The following KIAA0825 variants were observed in gnomAD, a reference collection of about 807,000 sequenced individuals.
The protein encoded by KIAA0825 is uncharacterized protein KIAA0825.
In KIAA0825, 119 loss-of-function variants were observed where a neutral mutation model predicts 147.6. That is an observed-to-expected ratio of 0.81 (90% confidence interval 0.69 to 0.94). The LOEUF is 0.94. KIAA0825 is among the 40% of genes least tolerant of loss of function. The probability of loss-of-function intolerance (pLI) is 0.00; values close to 1 mark genes in which losing one functional copy is unlikely to be tolerated. For synonymous variants in KIAA0825, 470 were observed against 518.1 expected, an observed-to-expected ratio of 0.91 and a Z score of 1.26; for missense variants, 1,381 against 1,472.7, an observed-to-expected ratio of 0.94 and a Z score of 1.02.
intron 20 of KIAA0825, among the ~76,000 whole-genome samples, chr5:94,363,808 C>T (rs1301212191): frequency 6.6e-6 from 1 of 151,890 alleles, no homozygotes; most frequent in African/African-American, 2.4e-5. Context: ...TGTGAGGCTG[C>T]AGTGAGCTGT....
chr5:94,320,135 T>C (rs1780022669), intron 20 of KIAA0825, among the ~76,000 whole-genome samples: 1 of 152,016 alleles, frequency 6.6e-6, no homozygotes. Context: ...CAAAAGCACC[T>C]ACCCTATATC....
At chr5:94,281,789 A>C (rs1777479441) in intron 20 of KIAA0825, among the ~76,000 whole-genome samples, 1 of 151,800 alleles carries the variant, frequency 6.6e-6, no homozygotes, top group Non-Finnish European at 1.5e-5. Context: ...TAGATAAATA[A>C]ATTCCCCTTT....
intron 5 of KIAA0825, among the ~76,000 whole-genome samples, chr5:94,493,131 C>T (rs1192085940): frequency 6.6e-6 from 1 of 152,192 alleles, no homozygotes; most frequent in African/African-American, 2.4e-5. Flanking sequence ...CTGACTTTAT[C>T]AGAAATAGAC....
chr5:94,155,621 G>A (rs1766974204), intron 20 of KIAA0825, among the ~76,000 whole-genome samples: 2 of 152,162 alleles, frequency 1.3e-5, no homozygotes, highest in Non-Finnish European at 2.9e-5. Context: ...GAAGTATGGA[G>A]AGAAGAAAGA....
chr5:94,174,351 C>A (rs745958185), intron 20 of KIAA0825, among the ~76,000 whole-genome samples: 1 of 151,978 alleles, frequency 6.6e-6, no homozygotes, highest in African/African-American at 2.4e-5. Flanking sequence ...TTTTCCAGAA[C>A]GGAGTTTGCA....
intron 20 of KIAA0825, among the ~76,000 whole-genome samples, chr5:94,349,337 C>T (rs1012387061): frequency 6.6e-6 from 1 of 152,096 alleles, no homozygotes; most frequent in South Asian, 2.1e-4. Context: ...GACAGCAACA[C>T]AAAAACAGTG....
intron 20 of KIAA0825, among the ~76,000 whole-genome samples, chr5:94,266,867 TAAAC>T (rs1156416013): frequency 2.6e-5 from 4 of 152,188 alleles, no homozygotes; most frequent in Non-Finnish European, 5.9e-5. Flanking sequence ...ATAACCTACA[TAAAC>T]AAAAGTTCTC....
intron 1 of KIAA0825, among the ~76,000 whole-genome samples, chr5:94,617,231 T>C (rs181578546): frequency 6.6e-6 from 1 of 152,254 alleles, no homozygotes; most frequent in East Asian, 1.9e-4. Flanking sequence ...ACAGATATAA[T>C]ACATAATATC....
At chr5:94,445,278 A>G (rs1757585319) in intron 13 of KIAA0825, among the ~76,000 whole-genome samples, 1 of 152,174 alleles carries the variant, frequency 6.6e-6, no homozygotes, top group African/African-American at 2.4e-5. Flanking sequence ...TGTTTAGATA[A>G]TTGATAAAAC....
chr5:94,365,035 G>A (rs549377692), intron 20 of KIAA0825, among the ~76,000 whole-genome samples: 2 of 152,278 alleles, frequency 1.3e-5, no homozygotes, highest in South Asian at 4.2e-4. Context: ...GCCAGGCAAA[G>A]ACGCCATTTG....
intron 2 of KIAA0825, among the ~76,000 whole-genome samples, chr5:94,543,657 G>A (rs1773775468): frequency 6.6e-6 from 1 of 152,114 alleles, no homozygotes; most frequent in Non-Finnish European, 1.5e-5. Flanking sequence ...AGTTATGGAA[G>A]ATGGATCTTC....
chr5:94,571,397 C>A (rs575094527), intron 2 of KIAA0825, among the ~76,000 whole-genome samples: 1 of 152,150 alleles, frequency 6.6e-6, no homozygotes, highest in African/African-American at 2.4e-5. Context: ...GTAATACTGA[C>A]GTACAACTGA....
chr5:94,531,123 C>G (rs1022532410), intron 3 of KIAA0825, among the ~76,000 whole-genome samples: 9 of 152,098 alleles, frequency 5.9e-5, no homozygotes, highest in African/African-American at 2.2e-4. Context: ...AAAAGCTATA[C>G]TGTACTTAAA....
chr5:94,242,577 CCTTT>C (rs1174062884), intron 20 of KIAA0825, among the ~76,000 whole-genome samples: 3 of 151,860 alleles, frequency 2.0e-5, no homozygotes, highest in Non-Finnish European at 4.4e-5. Context: ...TTCCTTCCTT[CCTTT>C]TTTTCTTTCC....
intron 3 of KIAA0825, among the ~76,000 whole-genome samples, chr5:94,536,512 G>A (rs1772050793): frequency 6.6e-6 from 1 of 152,176 alleles, no homozygotes. Flanking sequence ...GTTTCCCCCA[G>A]TATTTGGTAA....
chr5:94,461,001 T>C (rs1424741414), intron 12 of KIAA0825, among the ~76,000 whole-genome samples: 1 of 151,980 alleles, frequency 6.6e-6, no homozygotes, highest in Non-Finnish European at 1.5e-5. Context: ...TGTTCTGTAA[T>C]CCTGATTGAA....
chr5:94,258,547 A>T (rs1446988799), intron 20 of KIAA0825, among the ~76,000 whole-genome samples: 3 of 152,032 alleles, frequency 2.0e-5, no homozygotes, highest in African/African-American at 7.2e-5. Flanking sequence ...CAACATCAAT[A>T]GTATATTTAA....
chr5:94,234,866 T>C (rs562176804), intron 20 of KIAA0825, among the ~76,000 whole-genome samples: 19 of 152,272 alleles, frequency 1.2e-4, no homozygotes, highest in Non-Finnish European at 2.8e-4. Context: ...ATATCCAAAC[T>C]ATATCAATGT....
intron 4 of KIAA0825, among the ~76,000 whole-genome samples, chr5:94,522,954 A>C (rs946616362): frequency 2.0e-5 from 3 of 151,756 alleles, no homozygotes; most frequent in African/African-American, 7.2e-5. Flanking sequence ...TAAAGGAATA[A>C]CTATATCCAT....
Sources: gnomAD v4.1 joint callset for allele counts (sites outside exome capture counted in the v4.1 genomes callset) on GRCh38, gnomAD v4.1.1 for gene constraint, MANE v1.5 for transcripts, NCBI Gene and HGNC (gene_info 2026-07-23, HGNC 2026-07-21) for gene names.